DCTN3: variants seen among roughly 807,000 people sequenced by gnomAD.
DCTN3 encodes dynactin 3 (p22).
A neutral mutation model predicts 28.4 loss-of-function variants in DCTN3; 25 were observed. The observed-to-expected ratio is 0.88, with a 90% CI of 0.64 to 1.23. The LOEUF is 1.23. Among genes scored for constraint, DCTN3 ranks in the 50% most tolerant of loss-of-function variants. The probability of loss-of-function intolerance (pLI) is 0.00; values close to 1 mark genes in which losing one functional copy is unlikely to be tolerated. For missense variants in DCTN3, 229 were observed against 232.0 expected (o/e 0.99, Z 0.08); for synonymous variants, 81 against 91.4 (o/e 0.89, Z 0.65).
In DCTN3 at chr9:34,618,683, G is replaced by C. The variant is rs1473794141; in HGVS notation, c.174C>G (p.Tyr58Ter). The change falls in exon 2 of 7, where the codon TAC becomes TAG. Residue 58 changes from tyrosine to a stop codon, truncating the protein, a stop_gained. Transcript: ENST00000259632. LOFTEE classifies it high-confidence loss of function. ...SSKRERVKIL[Y>*]KKIEDLIKYL... ...CATCATGGAAGCACTTACTCTTTTTGTAGAGAATCTTCACCCTCTCCCTCT... is the reference window on the plus strand; with the variant it reads ...CATCATGGAAGCACTTACTCTTTTTCTAGAGAATCTTCACCCTCTCCCTCT... 1.2e-5 allele frequency: 20 copies of C among 1,613,674 alleles called. No individual in the cohort carries two copies. The highest frequency in any genetic ancestry group is 1.7e-5 in the Non-Finnish European group (20 of 1,179,698).
intron 6 of DCTN3, 49 bp downstream of exon 6, chr9:34,613,993 G>A (rs761939455): frequency 1.2e-6 from 2 of 1,605,564 alleles, no homozygotes; most frequent in Non-Finnish European, 1.7e-6. Flanking sequence ...CAAAAGGACA[G>A]GGCTTAGGGA....
chr9:34,618,583 C>A (rs781755001), intron 2 of DCTN3, 93 bp downstream of exon 2: 1 of 922,894 alleles, frequency 1.1e-6, no homozygotes, highest in South Asian at 1.3e-5. Flanking sequence ...AAGGGCTATT[C>A]CAGTGACCTA....
At chr9:34,618,612 G>A in intron 2 of DCTN3, 64 bp downstream of exon 2, 2 of 1,296,876 alleles carry the variant, frequency 1.5e-6, no homozygotes, top group East Asian at 4.6e-5. Flanking sequence ...AAGGGCTAGG[G>A]CCAGGTACCA....
At chr9:34,619,149 T>A (rs1326183879) in intron 1 of DCTN3, among the ~76,000 whole-genome samples, 1 of 152,100 alleles carries the variant, frequency 6.6e-6, no homozygotes, top group Non-Finnish European at 1.5e-5. Flanking sequence ...CACATCAAAT[T>A]TGGTGTGGGA....
chr9:34,614,221 C>T, intron 5 of DCTN3, 120 bp from the exon 6 acceptor site: 1 of 1,587,582 alleles, frequency 6.3e-7, no homozygotes, highest in Middle Eastern at 1.9e-4. Flanking sequence ...ACGCTTAACC[C>T]CAAAGCCAAA....
rs552906357 is a variant in DCTN3 at position 34,616,352 on chromosome 9, C to T, written c.269-239G>A. On this transcript the variant is annotated intron_variant, in intron 3 of 6. Coordinates refer to ENST00000259632, the MANE Select transcript of DCTN3 (RefSeq NM_007234.5). This position sits in a 1 kb window ranked among gnomAD's most constrained non-coding sequence, Gnocchi z 4.7. ...GCCTCTCAATTTCTCCAAATCCCAC[C>T]TTTCTCCAAGGTTTAACTTCAAGAC... The T allele has an allele frequency of 4.9e-5, 19 of 391,050 alleles. No homozygotes were observed. Among genetic ancestry groups the T allele is most frequent in the African/African-American group, 3.9e-4 (19 of 48,416 alleles). The allele number at this position is 391,050 out of a possible 1,614,324, so 24.2% of individuals were successfully genotyped here. A position where few individuals can be genotyped will look rare whatever the true frequency, so the allele number is the denominator to read the frequency against.
At position 34,616,980 on chromosome 9, in the gene DCTN3, AG is replaced by A. The variant is rs1820437439; in HGVS notation, c.269-868del. ...AAGATTAGGGTCAAGAGTATGATTT[AG>A]GAGACTGTGCAACCATTCATATGCA... is the stretch of plus-strand genomic sequence containing the variant. On this transcript the variant is annotated intron_variant, in intron 3 of 6. Transcript: ENST00000259632. The surrounding 1 kb of genome is among the most constrained non-coding windows in gnomAD (Gnocchi z 4.7). Among the ~76,000 whole-genome samples the A allele has an allele frequency of 6.6e-6, 1 of 152,222 alleles. No individual in the cohort carries two copies. The highest frequency in any genetic ancestry group is 2.1e-4 in the South Asian group (1 of 4,830).
intron 4 of DCTN3, 79 bp downstream of exon 4, chr9:34,615,951 T>A: frequency 8.3e-7 from 1 of 1,197,646 alleles, no homozygotes; most frequent in Non-Finnish European, 1.2e-6. Flanking sequence ...CCACACAACC[T>A]GAAACACAGG....
At position 34,616,478 on chromosome 9, in the gene DCTN3, G is replaced by A. The variant is rs1038157611; in HGVS notation, c.269-365C>T. 2 of 206,632 alleles carry A rather than the reference G, an allele frequency of 9.7e-6. No individual in the cohort carries two copies. The highest frequency in any genetic ancestry group is 1.1e-4 in the Admixed American group (2 of 18,030). The allele number at this position is 206,632 out of a possible 1,614,324, so 12.8% of individuals were successfully genotyped here. On this transcript the variant is annotated intron_variant, in intron 3 of 6. Transcript: ENST00000259632. The surrounding 1 kb of genome is among the most constrained non-coding windows in gnomAD (Gnocchi z 4.7). ...GATCCCCACACCCAAGGGTCCCCAG[G>A]AAGGTCTAAAAGAGATATGTGGCAG...
At chr9:34,619,549 G>A (rs1163858232) in intron 1 of DCTN3, among the ~76,000 whole-genome samples, 1 of 152,200 alleles carries the variant, frequency 6.6e-6, no homozygotes, top group East Asian at 1.9e-4. Context: ...GAATGCCAGG[G>A]GGGAGGCAAA....
Position 34,616,095 on chromosome 9 carries a change from G to C in DCTN3, c.287C>G (p.Ser96Cys), listed in dbSNP as rs1411124022. 5 of 1,613,984 alleles carry C rather than the reference G, an allele frequency of 3.1e-6. No individual in the cohort carries two copies. Among genetic ancestry groups the C allele is most frequent in the African/African-American group, 1.3e-5 (1 of 75,026 alleles). Residue 96 changes from serine (S) to cysteine (C), a missense_variant, in exon 4 of 7, where the codon TCC becomes TGC. By Grantham distance (112) the Ser-to-Cys change is moderately radical. Transcript: ENST00000259632. The surrounding 1 kb of genome is among the most constrained non-coding windows in gnomAD (Gnocchi z 4.7). ...FILAEEQFIL[S>C]QVALLEQVNA... ...CACCTGCTCCAGGAGTGCAACCTGG[G>C]AAAGGATAAACTGCTCCTCTAAAGC... is the stretch of plus-strand genomic sequence containing the variant.
chr9:34,617,590 G>A (rs1021047103), intron 3 of DCTN3: 129 of 1,287,802 alleles, frequency 1.0e-4, no homozygotes, highest in Non-Finnish European at 1.3e-4. Context: ...TCTGTCTAGT[G>A]AGCAGAAGTG....
chr9:34,618,625 A>C (rs1820477314), intron 2 of DCTN3, 51 bp downstream of exon 2: 1 of 1,436,454 alleles, frequency 7.0e-7, no homozygotes, highest in South Asian at 1.1e-5. Flanking sequence ...AGGTACCAGG[A>C]AGCTGAGGGG....
chr9:34,617,693 G>A lies in DCTN3; in HGVS notation c.268+192C>T, dbSNP rs140055575. ...GCTGGCACCATGGCCTGCAGCTGGT[G>A]CAGAGGTATACTGTACTCAATGTCT... On this transcript the variant is annotated intron_variant, in intron 3 of 6. Coordinates refer to ENST00000259632, the MANE Select transcript of DCTN3 (RefSeq NM_007234.5). The A allele has an allele frequency of 3.7e-3, 5,524 of 1,489,472 alleles. 19 individuals carry two copies. Among genetic ancestry groups the A allele is most frequent in the Middle Eastern group, 7.2e-3 (41 of 5,666 alleles). 92.3% of individuals were successfully genotyped at this position (1,489,472 alleles called of 1,614,324 possible). A position where few individuals can be genotyped will look rare whatever the true frequency, so the allele number is the denominator to read the frequency against.
In DCTN3 at chr9:34,613,745, T is replaced by C. The variant is rs747055794; in HGVS notation, c.*37A>G. 1.2e-6 allele frequency: 2 copies of C among 1,612,004 alleles called. No individual in the cohort carries two copies. Among genetic ancestry groups the C allele is most frequent in the South Asian group, 1.1e-5 (1 of 90,572 alleles). ...CAGGTTGGCATAGGGCCCTGGAGCC[T>C]GACTGCCCAGGCCCACTTTGGGATG... On this transcript the variant is annotated 3_prime_UTR_variant, in exon 7 of 7. Transcript: ENST00000259632.
intron 2 of DCTN3, among the ~76,000 whole-genome samples, chr9:34,618,196 A>G (rs1326503083): frequency 6.6e-6 from 1 of 152,010 alleles, no homozygotes; most frequent in Non-Finnish European, 1.5e-5. Context: ...AGAGCTGAAA[A>G]CACAATTGCC....
At chr9:34,619,979 G>A (rs558264110) in intron 1 of DCTN3, among the ~76,000 whole-genome samples, 1 of 152,240 alleles carries the variant, frequency 6.6e-6, no homozygotes, top group East Asian at 1.9e-4. Context: ...CTCCCCAGGG[G>A]TCCCATGGAC....
At position 34,619,145 on chromosome 9, in the gene DCTN3, A is replaced by C. The variant is rs560735035; in HGVS notation, c.97-385T>G. The stretch of plus-strand genomic sequence containing the variant: ...CCTCTAGCCCTATCCCCTCCACATC[A>C]AATTTGGTGTGGGAGATGGAAGAGT... On this transcript the variant is annotated intron_variant, in intron 1 of 6. Transcript: ENST00000259632. 4.2e-4 allele frequency among the ~76,000 whole-genome samples: 64 copies of C among 152,314 alleles called. No individual in the cohort carries two copies. The South Asian group carries it at 0.013, about 31-fold the overall frequency.
Position 34,613,813 on chromosome 9 carries a change from G to A in DCTN3, c.530C>T (p.Ala177Val). ...CTCTGCTGGCTTCACTTGCGTGGCG[G>A]CCTCTAGCTGGCAAAGTAGCTCATC... Reference protein sequence around the residue: ...QWDELLCQLEAATQVKPAEE With the variant: ...QWDELLCQLEVATQVKPAEE The change falls in exon 7 of 7, where the codon GCC becomes GTC. Residue 177 changes from alanine (A) to valine (V), a missense_variant. Coordinates refer to ENST00000259632, the MANE Select transcript of DCTN3 (RefSeq NM_007234.5). 6.2e-7 allele frequency: 1 copy of A among 1,614,122 alleles called. No homozygotes were observed. The highest frequency in any genetic ancestry group is 8.5e-7 in the Non-Finnish European group (1 of 1,179,970).
Sources: allele counts gnomAD v4.1 joint callset (sites outside exome capture counted in the v4.1 genomes callset), GRCh38; gene constraint gnomAD v4.1.1; non-coding constraint Gnocchi (gnomAD v3.1); transcripts MANE v1.5; gene names NCBI Gene and HGNC (gene_info 2026-07-23, HGNC 2026-07-21).